The following CNNM2 variants were observed in gnomAD, a reference collection of about 807,000 sequenced individuals.
CNNM2 encodes metal transporter CNNM2.
CNNM2 carries 12 observed loss-of-function variants against 66.9 expected under a neutral mutation model. That is an observed-to-expected ratio of 0.18 (90% confidence interval 0.11 to 0.29). The LOEUF is 0.29. CNNM2 is among the 10% of genes least tolerant of loss of function. The probability of loss-of-function intolerance (pLI) is 1.00; values close to 1 mark genes in which losing one functional copy is unlikely to be tolerated. For synonymous variants in CNNM2, 557 were observed against 501.8 expected, an observed-to-expected ratio of 1.11 and a Z score of -1.47; for missense variants, 705 against 1,167.7, an observed-to-expected ratio of 0.60 and a Z score of 5.77.
Position 103,078,844 on chromosome 10 carries a change from G to A in CNNM2, c.*1664G>A, listed in dbSNP as rs1271557173. ...CACGGCTGGGCTGTGTGCGGGGCAGGGAGCGTGGCTGAGGAGCAGACAGCA... is the reference window on the plus strand; with the variant it reads ...CACGGCTGGGCTGTGTGCGGGGCAGAGAGCGTGGCTGAGGAGCAGACAGCA... On this transcript the variant is annotated 3_prime_UTR_variant, in exon 8 of 8. Transcript: ENST00000369878. 1 of 152,462 alleles carries A rather than the reference G, an allele frequency of 6.6e-6. No homozygotes were observed. The highest frequency in any genetic ancestry group is 1.5e-5 in the Non-Finnish European group (1 of 68,234). The allele number at this position is 152,462 out of a possible 1,614,324, so 9.4% of individuals were successfully genotyped here. A position where few individuals can be genotyped will look rare whatever the true frequency, so the allele number is the denominator to read the frequency against.
At chr10:102,974,783 C>T (rs1453090901) in intron 1 of CNNM2, among the ~76,000 whole-genome samples, 10 of 152,240 alleles carry the variant, frequency 6.6e-5, no homozygotes, top group Admixed American at 3.3e-4. Context: ...GCAGTCCTCC[C>T]GCCTTGGCCT....
At chr10:102,952,178 C>T in intron 1 of CNNM2, among the ~76,000 whole-genome samples, 1 of 151,814 alleles carries the variant, frequency 6.6e-6, no homozygotes, top group Non-Finnish European at 1.5e-5. Flanking sequence ...TGGGCTCAAA[C>T]AGTCGTCCTG....
At chr10:102,983,031 GC>G (rs2063740598) in intron 1 of CNNM2, among the ~76,000 whole-genome samples, 2 of 152,074 alleles carry the variant, frequency 1.3e-5, no homozygotes, top group Non-Finnish European at 2.9e-5. Context: ...AATAATTCCA[GC>G]CTTTTCATAA....
chr10:103,046,957 A>G lies in CNNM2; in HGVS notation c.1622-2750A>G, dbSNP rs1002389597. Among the ~76,000 whole-genome samples, 7 of 152,188 alleles carry G rather than the reference A, an allele frequency of 4.6e-5. No individual in the cohort carries two copies. Among genetic ancestry groups the G allele is most frequent in the Non-Finnish European group, 1.0e-4 (7 of 68,034 alleles). Reference sequence around the variant, plus strand: ...TACCAGTAGACCTTTGGACTCTTACATTAACTTTGTTTGGTCCGAAATCTT... The same window carrying G: ...TACCAGTAGACCTTTGGACTCTTACGTTAACTTTGTTTGGTCCGAAATCTT... On this transcript the variant is annotated intron_variant, in intron 1 of 7. Transcript: ENST00000369878.
At chr10:103,059,473 GA>G (rs1564865519) in intron 4 of CNNM2, among the ~76,000 whole-genome samples, 1 of 152,130 alleles carries the variant, frequency 6.6e-6, no homozygotes, top group Non-Finnish European at 1.5e-5. Context: ...CAAGGAAAAT[GA>G]CCTAAGTAAA....
intron 1 of CNNM2, among the ~76,000 whole-genome samples, chr10:103,013,660 A>C (rs892860346): frequency 1.3e-5 from 2 of 152,200 alleles, no homozygotes; most frequent in African/African-American, 4.8e-5. Context: ...GGAACAACCT[A>C]TTAGGGAAAG....
chr10:103,011,008 T>C (rs112528551), intron 1 of CNNM2, among the ~76,000 whole-genome samples: 339 of 152,340 alleles, frequency 2.2e-3, no homozygotes, highest in African/African-American at 7.6e-3. Flanking sequence ...AAAAATTTCA[T>C]TTTGAAAAAA....
chr10:102,923,831 G>A (rs1199357580), intron 1 of CNNM2, among the ~76,000 whole-genome samples: 1 of 152,170 alleles, frequency 6.6e-6, no homozygotes, highest in Non-Finnish European at 1.5e-5. Context: ...TCCATGGGCT[G>A]CTCTACAGCT....
intron 1 of CNNM2, among the ~76,000 whole-genome samples, chr10:102,948,489 A>G (rs1846702178): frequency 6.6e-6 from 1 of 152,122 alleles, no homozygotes; most frequent in Admixed American, 6.5e-5. Flanking sequence ...TGGAACACAA[A>G]TAATTTGTGT....
intron 1 of CNNM2, among the ~76,000 whole-genome samples, chr10:103,012,452 C>T (rs932610056): frequency 2.6e-5 from 4 of 152,052 alleles, no homozygotes; most frequent in Non-Finnish European, 5.9e-5. Context: ...TCAAGACCAG[C>T]CTGGCCTACA....
intron 4 of CNNM2, among the ~76,000 whole-genome samples, chr10:103,064,174 C>G (rs867231155): frequency 6.6e-6 from 1 of 152,184 alleles, no homozygotes; most frequent in Non-Finnish European, 1.5e-5. Flanking sequence ...AGTAAAATTA[C>G]TCTAATGTGA....
chr10:103,046,736 TG>T (rs1397782765), intron 1 of CNNM2, among the ~76,000 whole-genome samples: 1 of 152,216 alleles, frequency 6.6e-6, no homozygotes, highest in Admixed American at 6.5e-5. Context: ...GGTTCAGTCT[TG>T]TGCATTCAGT....
Position 103,087,075 on chromosome 10 carries a change from T to C in CNNM2, c.*9895T>C, listed in dbSNP as rs2065824741. On this transcript the variant is annotated 3_prime_UTR_variant, in exon 8 of 8. Coordinates refer to ENST00000369878, the MANE Select transcript of CNNM2 (RefSeq NM_017649.5). ...TACAATGCCTATAGTGTTTTCAAAATGCCTGGGAAAAAATTCTCAAAAGAA... is the reference window on the plus strand; with the variant it reads ...TACAATGCCTATAGTGTTTTCAAAACGCCTGGGAAAAAATTCTCAAAAGAA... The C allele has an allele frequency of 6.9e-6, 1 of 145,268 alleles. No individual in the cohort carries two copies. Among genetic ancestry groups the C allele is most frequent in the Non-Finnish European group, 1.5e-5 (1 of 67,106 alleles). 9.0% of individuals were successfully genotyped at this position (145,268 alleles called of 1,614,324 possible). A position where few individuals can be genotyped will look rare whatever the true frequency, so the allele number is the denominator to read the frequency against.
At chr10:103,018,033 C>T (rs190100221) in intron 1 of CNNM2, among the ~76,000 whole-genome samples, 103 of 149,870 alleles carry the variant, frequency 6.9e-4, no homozygotes, top group Non-Finnish European at 1.1e-3. Flanking sequence ...AAGATCCTCA[C>T]GAGCTGCTCT....
At chr10:103,003,332 G>A (rs375451674) in intron 1 of CNNM2, among the ~76,000 whole-genome samples, 149 of 151,930 alleles carry the variant, frequency 9.8e-4, no homozygotes, top group Middle Eastern at 6.8e-3. Flanking sequence ...CAAGCTGGTC[G>A]CCAACCTCTG....
At chr10:103,040,557 A>G (rs1203016770) in intron 1 of CNNM2, among the ~76,000 whole-genome samples, 3 of 152,124 alleles carry the variant, frequency 2.0e-5, no homozygotes, top group East Asian at 3.9e-4. Flanking sequence ...TCCTTTGTGA[A>G]TGGAGGAGTA....
At chr10:103,040,098 T>C (rs1419294543) in intron 1 of CNNM2, among the ~76,000 whole-genome samples, 1 of 151,304 alleles carries the variant, frequency 6.6e-6, no homozygotes, top group Admixed American at 6.6e-5. Flanking sequence ...ACCTGGGAGG[T>C]AGAGGTTGTA....
At chr10:102,969,211 C>A (rs1432702306) in intron 1 of CNNM2, among the ~76,000 whole-genome samples, 1 of 150,698 alleles carries the variant, frequency 6.6e-6, no homozygotes, top group Non-Finnish European at 1.5e-5. Context: ...CACTGCACTG[C>A]GCCTAGTAGT....
chr10:103,071,408 T>A (rs1051462140), intron 5 of CNNM2, among the ~76,000 whole-genome samples: 1 of 152,216 alleles, frequency 6.6e-6, no homozygotes, highest in Non-Finnish European at 1.5e-5. Context: ...GCCAGCGGTT[T>A]GAGTCAGGCT....
Sources: gnomAD v4.1 joint callset for allele counts (sites outside exome capture counted in the v4.1 genomes callset) on GRCh38, gnomAD v4.1.1 for gene constraint, MANE v1.5 for transcripts, NCBI Gene and HGNC (gene_info 2026-07-23, HGNC 2026-07-21) for gene names.